NXT2: variants seen among roughly 807,000 people sequenced by gnomAD.
NXT2 encodes the protein NTF2-related export protein 2.
A neutral mutation model predicts 9.6 loss-of-function variants in NXT2; 1 was observed. The observed-to-expected ratio is 0.10, with a 90% CI of 0.04 to 0.49. NXT2 has a LOEUF of 0.49. Ranked by LOEUF, NXT2 falls within the 20% of genes least tolerant of loss-of-function variation. The pLI is 0.95. For synonymous variants in NXT2, 22 were observed against 35.4 expected (o/e 0.62, Z 1.34); for missense variants, 48 against 100.3 (o/e 0.48, Z 2.23).
intron 3 of NXT2, 109 bp from the exon 4 acceptor site, chrX:109,542,398 G>A: frequency 1.6e-6 from 1 of 632,021 alleles, no homozygotes; most frequent in South Asian, 4.6e-5. Flanking sequence ...GAAAGTGTAT[G>A]AAAAAAATTT....
intron 2 of NXT2, among the ~76,000 whole-genome samples, chrX:109,540,217 G>C (rs1933384145): frequency 9.0e-6 from 1 of 111,325 alleles, no homozygotes. Context: ...ATTGTGCCTT[G>C]CCTTGAATGT....
chrX:109,538,148 C>G lies in NXT2; in HGVS notation c.102+17C>G. The G allele has an allele frequency of 2.0e-6, 2 of 983,066 alleles. No homozygotes were observed. Among genetic ancestry groups the G allele is most frequent in the South Asian group, 2.0e-5 (1 of 49,404 alleles). The allele number at this position is 983,066 out of a possible 1,213,427, so 81.0% of individuals were successfully genotyped here. A position where few individuals can be genotyped will look rare whatever the true frequency, so the allele number is the denominator to read the frequency against. On this transcript the variant is annotated intron_variant, in intron 2 of 3. Transcript: ENST00000372106. ...AGAAGACGGGTGAGTGTTATAGACT[C>G]TACTACTCTTTATAGACTACTACTC...
intron 2 of NXT2, among the ~76,000 whole-genome samples, chrX:109,539,970 C>T (rs774782733): frequency 8.1e-5 from 9 of 111,626 alleles, no homozygotes; most frequent in Non-Finnish European, 1.7e-4. Flanking sequence ...TTGGGTGTTA[C>T]GTTTAAGTGT....
At chrX:109,536,648 T>G, upstream of NXT2, 1 of 276,732 alleles carries the variant, frequency 3.6e-6, no homozygotes, top group Non-Finnish European at 6.0e-6. Flanking sequence ...ATTGAACACT[T>G]TCATTTTTGC....
chrX:109,537,002 C>G lies in NXT2; in HGVS notation c.-5C>G. ...CTGCCAGAACACACTGCTACAAGGT[C>G]CCAGATGGCCACGTCTCTGGTGAGT... On this transcript the variant is annotated 5_prime_UTR_variant, in exon 1 of 4. Transcript: ENST00000372106. 1 of 1,211,212 alleles carries G rather than the reference C, an allele frequency of 8.3e-7. No homozygotes were observed. Among genetic ancestry groups the G allele is most frequent in the Non-Finnish European group, 1.1e-6 (1 of 895,194 alleles).
intron 2 of NXT2, among the ~76,000 whole-genome samples, chrX:109,539,750 T>G (rs113344710): frequency 0.015 from 1,640 of 112,129 alleles, 26 homozygotes; most frequent in East Asian, 0.089. Context: ...TTCCTGTAGA[T>G]TTGGAAATTA....
chrX:109,538,255 G>T, intron 2 of NXT2, 124 bp downstream of exon 2: 1 of 437,317 alleles, frequency 2.3e-6, no homozygotes. Context: ...CTCTTTAAAA[G>T]CAAATTGCTC....
intron 1 of NXT2, 199 bp downstream of exon 1, chrX:109,537,220 A>C: frequency 9.8e-7 from 1 of 1,023,687 alleles, no homozygotes; most frequent in Non-Finnish European, 1.2e-6. Context: ...TCGCTTTCTG[A>C]TCCCGGAAAG....
At position 109,544,486 on chromosome X, in the gene NXT2, A is replaced by G. The variant is rs750245933; in HGVS notation, c.*1798A>G. ...TACAGAGAAGAACAATGGTAACTAAAAGCTGCATATAACTAGCAATAACTA... is the reference window on the plus strand; with the variant it reads ...TACAGAGAAGAACAATGGTAACTAAGAGCTGCATATAACTAGCAATAACTA... On this transcript the variant is annotated 3_prime_UTR_variant, in exon 4 of 4. Transcript: ENST00000372106. 6 of 112,752 alleles carry G rather than the reference A, an allele frequency of 5.3e-5. No individual in the cohort carries two copies. In the South Asian group the frequency reaches 2.2e-3, roughly 41 times the overall value. The allele number at this position is 112,752 out of a possible 1,213,427, so 9.3% of individuals were successfully genotyped here.
chrX:109,537,070 C>T (rs1569392517), intron 1 of NXT2, 49 bp downstream of exon 1: 34 of 1,182,034 alleles, frequency 2.9e-5, no homozygotes, highest in Non-Finnish European at 3.9e-5. Flanking sequence ...ACTCCAGTGG[C>T]TGAGAGGAGG....
rs2147307965 is a variant in NXT2 at position 109,540,841 on chromosome X, A to G, written c.103-634A>G. Among the ~76,000 whole-genome samples, 3 of 111,711 alleles carry G rather than the reference A, an allele frequency of 2.7e-5. No homozygotes were observed. The East Asian group carries it at 8.4e-4, about 31-fold the overall frequency. On this transcript the variant is annotated intron_variant, in intron 2 of 3. Coordinates refer to ENST00000372106, the MANE Select transcript of NXT2 (RefSeq NM_001242617.2). ...GTATGACATGCCTGTAACCCCAGCT[A>G]CTTGGGAGGCTGAGGCAAGAGGATT...
rs768063701 is a variant in NXT2, at chrX:109,542,875, T to A, written c.*187T>A. 1 of 333,434 alleles carries A rather than the reference T, an allele frequency of 3.0e-6. No individual in the cohort carries two copies. The highest frequency in any genetic ancestry group is 5.6e-5 in the Admixed American group (1 of 17,988). 27.5% of individuals were successfully genotyped at this position (333,434 alleles called of 1,213,427 possible). A position where few individuals can be genotyped will look rare whatever the true frequency, so the allele number is the denominator to read the frequency against. On this transcript the variant is annotated 3_prime_UTR_variant, in exon 4 of 4. Transcript: ENST00000372106. ...TTGCCCTCTAAGAGCTTTAAAACTA[T>A]TTTTTTACATGCCTTATATACATTC...
chrX:109,540,045 A>G (rs865945022), intron 2 of NXT2, among the ~76,000 whole-genome samples: 10 of 112,037 alleles, frequency 8.9e-5, no homozygotes, highest in African/African-American at 2.9e-4. Flanking sequence ...AGTTTTCTGC[A>G]TATGACTAGC....
chrX:109,541,041 AG>A (rs1933407786), intron 2 of NXT2, among the ~76,000 whole-genome samples: 1 of 112,212 alleles, frequency 8.9e-6, no homozygotes, highest in African/African-American at 3.2e-5. Context: ...ATATATATAT[AG>A]CCACTAGCAT....
At chrX:109,535,887 G>T, upstream of NXT2, 2 of 1,185,524 alleles carry the variant, frequency 1.7e-6, no homozygotes, top group Non-Finnish European at 2.3e-6. Context: ...AAAAGTATGA[G>T]AAAATACAGA....
At chrX:109,537,320 TAAA>T in intron 1 of NXT2, 1 of 894,213 alleles carries the variant, frequency 1.1e-6, no homozygotes, top group Non-Finnish European at 1.4e-6. Flanking sequence ...TCTTCCTCTC[TAAA>T]AATCACTTTC....
chrX:109,537,260 G>A (rs1933299979), intron 1 of NXT2: 1 of 997,960 alleles, frequency 1.0e-6, no homozygotes, highest in Non-Finnish European at 1.3e-6. Flanking sequence ...GCGAGAGGCG[G>A]GGATGTTGGG....
At position 109,542,630 on chromosome X, in the gene NXT2, A is replaced by G. The variant is rs142055694; in HGVS notation, c.371A>G (p.Asn124Ser). ...FLLTAQSTPNNTVWKIASDCF... is the reference protein window; with the variant it reads ...FLLTAQSTPNSTVWKIASDCF... ...CTGACTGCTCAGTCCACTCCCAACA[A>G]TACTGTGTGGAAGATTGCAAGTGAT... is the stretch of plus-strand genomic sequence containing the variant. Residue 124 changes from asparagine (N) to serine (S), a missense_variant, in exon 4 of 4, where the codon AAT becomes AGT. Transcript: ENST00000372106. The G allele has an allele frequency of 4.2e-5, 51 of 1,204,113 alleles. No homozygotes were observed. The highest frequency in any genetic ancestry group is 2.9e-4 in the Admixed American group (13 of 45,046).
intron 2 of NXT2, 88 bp downstream of exon 2, chrX:109,538,219 T>C (rs1405153549): frequency 3.4e-5 from 20 of 589,806 alleles, no homozygotes; most frequent in Non-Finnish European, 4.8e-5. Context: ...TTCATCTGAC[T>C]TGCATAAGTG....
Sources: allele counts gnomAD v4.1 joint callset (sites outside exome capture counted in the v4.1 genomes callset), GRCh38; gene constraint gnomAD v4.1.1; transcripts MANE v1.5; gene names NCBI Gene and HGNC (gene_info 2026-07-23, HGNC 2026-07-21).